DRC11: variants seen among roughly 807,000 people sequenced by gnomAD.
DRC11 encodes IQ and AAA domain-containing protein 1.
chr2:236,338,070 C>T, the DRC11 span: 5 of 758,682 alleles, frequency 6.6e-6, no homozygotes, highest in Admixed American at 2.9e-5. Flanking sequence ...GGTGCAGGTG[C>T]ACACACCCCA....
the DRC11 span, among the ~76,000 whole-genome samples, chr2:236,389,727 C>A: frequency 2.6e-5 from 4 of 152,210 alleles, no homozygotes; most frequent in Admixed American, 2.6e-4. Flanking sequence ...AATTTCCCTG[C>A]GAATTTTTTT....
chr2:236,460,861 CCT>C, the DRC11 span, among the ~76,000 whole-genome samples: 4 of 152,214 alleles, frequency 2.6e-5, no homozygotes, highest in East Asian at 7.7e-4. This position sits in a 1 kb window ranked among gnomAD's most constrained non-coding sequence, Gnocchi z 4.0. Context: ...TTCAAGCAAT[CCT>C]CTCACTTCAA....
At chr2:236,357,635 A>G in the DRC11 span, among the ~76,000 whole-genome samples, 5 of 104,362 alleles carry the variant, frequency 4.8e-5, no homozygotes, top group Non-Finnish European at 7.3e-5. Flanking sequence ...ATATGCATAT[A>G]ATATGTAAAT....
At chr2:236,357,679 TTTACA>T in the DRC11 span, among the ~76,000 whole-genome samples, 14 of 114,158 alleles carry the variant, frequency 1.2e-4, no homozygotes, top group Admixed American at 4.5e-4. Context: ...TAAATATATA[TTTACA>T]ATATGTAAAT....
At chr2:236,425,929 A>C in the DRC11 span, among the ~76,000 whole-genome samples, 1 of 151,956 alleles carries the variant, frequency 6.6e-6, no homozygotes, top group African/African-American at 2.4e-5. Context: ...CCTTTGTTGA[A>C]AATCAATTTG....
chr2:236,369,221 A>C, the DRC11 span: 1 of 152,252 alleles, frequency 6.6e-6, no homozygotes, highest in South Asian at 2.1e-4. The surrounding 1 kb of genome is among the most constrained non-coding windows in gnomAD (Gnocchi z 4.5). Flanking sequence ...GTGTGTAGGA[A>C]ACACTGAAAG....
the DRC11 span, among the ~76,000 whole-genome samples, chr2:236,342,242 C>T: frequency 6.6e-6 from 1 of 152,312 alleles, no homozygotes; most frequent in South Asian, 2.1e-4. The surrounding 1 kb of genome is among the most constrained non-coding windows in gnomAD (Gnocchi z 5.8). Context: ...GGATGTTCTT[C>T]TCTGTGCCTC....
chr2:236,357,641 T>C, the DRC11 span, among the ~76,000 whole-genome samples: 88 of 85,338 alleles, frequency 1.0e-3, no homozygotes, highest in African/African-American at 4.6e-3. Context: ...ATATAATATG[T>C]AAATATATAA....
chr2:236,308,388 CTG>C, the DRC11 span, among the ~76,000 whole-genome samples: 1 of 152,250 alleles, frequency 6.6e-6, no homozygotes, highest in Non-Finnish European at 1.5e-5. This position sits in a 1 kb window ranked among gnomAD's most constrained non-coding sequence, Gnocchi z 6.0. Context: ...ACATCACCTT[CTG>C]TGTGTGTGAG....
At chr2:236,422,650 T>G in the DRC11 span, among the ~76,000 whole-genome samples, 1 of 152,106 alleles carries the variant, frequency 6.6e-6, no homozygotes, top group Non-Finnish European at 1.5e-5. Context: ...AGATTCAATG[T>G]CATCCCCATC....
chr2:236,369,695 C>T, the DRC11 span, among the ~76,000 whole-genome samples: 1 of 152,208 alleles, frequency 6.6e-6, no homozygotes, highest in Non-Finnish European at 1.5e-5. The surrounding 1 kb of genome is among the most constrained non-coding windows in gnomAD (Gnocchi z 4.5). Flanking sequence ...GAGGCAAGGA[C>T]ACAAGTAGCC....
the DRC11 span, among the ~76,000 whole-genome samples, chr2:236,358,468 G>GTCT: frequency 7.1e-6 from 1 of 140,826 alleles, no homozygotes; most frequent in Admixed American, 7.2e-5. Context: ...ATAAATATTT[G>GTCT]ATAAATATTT....
At chr2:236,459,216 C>T in the DRC11 span, among the ~76,000 whole-genome samples, 7 of 151,930 alleles carry the variant, frequency 4.6e-5, no homozygotes, top group Non-Finnish European at 8.8e-5. Context: ...ATGCTTGCAA[C>T]GAAGAAACCA....
the DRC11 span, among the ~76,000 whole-genome samples, chr2:236,488,514 C>T: frequency 1.4e-4 from 22 of 152,254 alleles, no homozygotes; most frequent in Middle Eastern, 3.4e-3. Context: ...TTCAGTAAAA[C>T]TTGAAATTGC....
chr2:236,505,288 T>C, the DRC11 span, among the ~76,000 whole-genome samples: 3 of 152,210 alleles, frequency 2.0e-5, no homozygotes, highest in Non-Finnish European at 2.9e-5. Flanking sequence ...CTTGAATATA[T>C]GCACTTCCGT....
the DRC11 span, among the ~76,000 whole-genome samples, chr2:236,319,850 A>C: frequency 6.6e-6 from 1 of 152,198 alleles, no homozygotes; most frequent in Admixed American, 6.5e-5. The surrounding 1 kb of genome is among the most constrained non-coding windows in gnomAD (Gnocchi z 6.7). Context: ...GCAGGGATGA[A>C]GCCAGGCAGT....
the DRC11 span, among the ~76,000 whole-genome samples, chr2:236,403,154 G>A: frequency 6.6e-6 from 1 of 152,030 alleles, no homozygotes; most frequent in Non-Finnish European, 1.5e-5. Context: ...AGGGCTCCAG[G>A]GAAGGAGACT....
At chr2:236,358,535 G>T in the DRC11 span, among the ~76,000 whole-genome samples, 1 of 144,722 alleles carries the variant, frequency 6.9e-6, no homozygotes. Context: ...ATAAGGCAGG[G>T]CTGTTGCCTA....
At chr2:236,314,560 A>G in the DRC11 span, among the ~76,000 whole-genome samples, 1 of 152,228 alleles carries the variant, frequency 6.6e-6, no homozygotes, top group Non-Finnish European at 1.5e-5. This position sits in a 1 kb window ranked among gnomAD's most constrained non-coding sequence, Gnocchi z 4.5. Flanking sequence ...GACGTTTAAA[A>G]ACACCACAGA....
Sources: gnomAD v4.1 joint callset for allele counts (sites outside exome capture counted in the v4.1 genomes callset) on GRCh38, gnomAD v4.1.1 for gene constraint, Gnocchi (gnomAD v3.1) non-coding constraint, MANE v1.5 for transcripts, NCBI Gene and HGNC (gene_info 2026-07-23, HGNC 2026-07-21) for gene names.